PAK4: variants seen among roughly 807,000 people sequenced by gnomAD.
The protein encoded by PAK4 is p21 (RAC1) activated kinase 4.
Under a neutral mutation model 53.5 loss-of-function variants are expected in PAK4, and 49 were observed. That is an observed-to-expected ratio of 0.92 (90% CI 0.73 to 1.16). The LOEUF is 1.16. PAK4 is among the 50% of genes most tolerant of loss of function. PAK4 has a pLI of 0.00. For missense variants in PAK4, 824 were observed against 850.7 expected, an observed-to-expected ratio of 0.97 and a Z score of 0.39; for synonymous variants, 376 against 375.6, an observed-to-expected ratio of 1.00 and a Z score of -0.01.
At chr19:39,165,349 A>C (rs1428687922) in intron 1 of PAK4, among the ~76,000 whole-genome samples, 1 of 145,574 alleles carries the variant, frequency 6.9e-6, no homozygotes, top group Non-Finnish European at 1.5e-5. Context: ...AAAAATACAA[A>C]AAAAAAAAAA....
intron 1 of PAK4, among the ~76,000 whole-genome samples, chr19:39,130,995 G>A (rs2073699590): frequency 6.6e-6 from 1 of 151,940 alleles, no homozygotes; most frequent in South Asian, 2.1e-4. Context: ...GCCAGCTGAG[G>A]TCATCAGCGC....
At position 39,178,622 on chromosome 19, in the gene PAK4, C is replaced by G. The variant is rs2144895152; in HGVS notation, c.*43C>G. 6.6e-7 allele frequency: 1 copy of G among 1,523,848 alleles called. No individual in the cohort carries two copies. Among genetic ancestry groups the G allele is most frequent in the Admixed American group, 1.9e-5 (1 of 52,344 alleles). 94.4% of individuals were successfully genotyped at this position (1,523,848 alleles called of 1,614,324 possible). On this transcript the variant is annotated 3_prime_UTR_variant, in exon 9 of 9. Coordinates refer to ENST00000358301, the Ensembl canonical transcript of PAK4. This position sits in a 1 kb window ranked among gnomAD's most constrained non-coding sequence, Gnocchi z 4.4. ...CTCAACCAAAGAGCCCCCCGGGTCACCCCCGCCCCACTGAGGCCAGTAGGG... is the reference window on the plus strand; with the variant it reads ...CTCAACCAAAGAGCCCCCCGGGTCAGCCCCGCCCCACTGAGGCCAGTAGGG...
At chr19:39,166,332 T>G (rs1600385383) in intron 1 of PAK4, among the ~76,000 whole-genome samples, 2 of 152,288 alleles carry the variant, frequency 1.3e-5, no homozygotes, top group Middle Eastern at 3.4e-3. Context: ...TAATCCCAGC[T>G]ACTTGGGAGG....
chr19:39,164,292 A>T (rs2074333141), intron 1 of PAK4, among the ~76,000 whole-genome samples: 1 of 151,856 alleles, frequency 6.6e-6, no homozygotes, highest in South Asian at 2.1e-4. Context: ...AAAAAAAAAA[A>T]AAAAAAGAAT....
chr19:39,129,102 C>G (rs1228215699), intron 1 of PAK4, among the ~76,000 whole-genome samples: 5 of 152,124 alleles, frequency 3.3e-5, no homozygotes, highest in Non-Finnish European at 5.9e-5. Flanking sequence ...GAGATGGGAT[C>G]TTGCTATGTT....
At chr19:39,126,461 GCC>G (rs200191878) in intron 1 of PAK4, among the ~76,000 whole-genome samples, 40 of 36,074 alleles carry the variant, frequency 1.1e-3, no homozygotes, top group African/African-American at 1.4e-3. Context: ...GGGGGGGGGG[GCC>G]GGGTCAGAGA....
chr19:39,163,692 G>T (rs565982148), intron 1 of PAK4, among the ~76,000 whole-genome samples: 1 of 152,270 alleles, frequency 6.6e-6, no homozygotes, highest in East Asian at 1.9e-4. Flanking sequence ...TGCATTTCTG[G>T]GATCAAATAC....
At chr19:39,143,171 C>A (rs1862240827) in intron 1 of PAK4, among the ~76,000 whole-genome samples, 1 of 151,892 alleles carries the variant, frequency 6.6e-6, no homozygotes, top group Admixed American at 6.6e-5. Context: ...ACTAGAATGT[C>A]AACTCCAGGA....
intron 1 of PAK4, among the ~76,000 whole-genome samples, chr19:39,138,502 G>A (rs531903983): frequency 2.6e-5 from 4 of 152,298 alleles, no homozygotes; most frequent in East Asian, 1.9e-4. Context: ...ATGTCTTCTC[G>A]TTCATACTTT....
intron 1 of PAK4, among the ~76,000 whole-genome samples, chr19:39,135,421 C>T (rs530188858): frequency 2.7e-5 from 4 of 147,186 alleles, no homozygotes; most frequent in African/African-American, 9.9e-5. Flanking sequence ...CTGCAACCTC[C>T]GCTTCCCAGA....
chr19:39,141,045 C>T (rs17795295), intron 1 of PAK4, among the ~76,000 whole-genome samples: 35,466 of 152,070 alleles, frequency 0.23, 4,475 homozygotes, highest in East Asian at 0.39. Context: ...TTTGCCATTA[C>T]GATGAGGTCA....
At chr19:39,126,955 A>G (rs922333814) in intron 1 of PAK4, among the ~76,000 whole-genome samples, 7 of 152,048 alleles carry the variant, frequency 4.6e-5, no homozygotes, top group African/African-American at 1.7e-4. Flanking sequence ...TGGTCGCCAC[A>G]TTGTCCGCTG....
chr19:39,146,194 T>C (rs1313756957), intron 1 of PAK4, among the ~76,000 whole-genome samples: 2 of 119,712 alleles, frequency 1.7e-5, no homozygotes, highest in Non-Finnish European at 3.7e-5. Context: ...TCATGGAGCT[T>C]ATAATACAGT....
intron 1 of PAK4, among the ~76,000 whole-genome samples, chr19:39,156,378 C>T (rs1326200750): frequency 6.6e-6 from 1 of 152,146 alleles, no homozygotes; most frequent in African/African-American, 2.4e-5. Flanking sequence ...AACCTGGCTG[C>T]CCCTTAGCCG....
chr19:39,152,742 A>G (rs1222046480), intron 1 of PAK4, among the ~76,000 whole-genome samples: 1 of 151,210 alleles, frequency 6.6e-6, no homozygotes, highest in African/African-American at 2.4e-5. Flanking sequence ...GTTCCAACTG[A>G]TGGCAATCGG....
chr19:39,128,626 A>C (rs529105594), intron 1 of PAK4, among the ~76,000 whole-genome samples: 36 of 152,372 alleles, frequency 2.4e-4, no homozygotes, highest in African/African-American at 8.2e-4. Context: ...AAGGGCTTTC[A>C]GTATAATGAA....
chr19:39,141,483 T>C (rs1482095624), intron 1 of PAK4, among the ~76,000 whole-genome samples: 2 of 147,428 alleles, frequency 1.4e-5, no homozygotes, highest in East Asian at 2.1e-4. Context: ...GCCCGGCTAA[T>C]TTTTGTATTT....
intron 1 of PAK4, among the ~76,000 whole-genome samples, chr19:39,142,173 C>G (rs570278): frequency 0.96 from 145,569 of 152,268 alleles, 69,724 homozygotes; most frequent in African/African-American, 0.99. Flanking sequence ...TGCATGTTGT[C>G]GTAGTTTTTC....
chr19:39,138,008 G>T (rs562352839), intron 1 of PAK4, among the ~76,000 whole-genome samples: 27 of 149,556 alleles, frequency 1.8e-4, no homozygotes, highest in Non-Finnish European at 3.1e-4. Context: ...TTGAGACAGG[G>T]TCTTGCTCTG....
Sources: gnomAD v4.1 joint callset for allele counts (sites outside exome capture counted in the v4.1 genomes callset) on GRCh38, gnomAD v4.1.1 for gene constraint, Gnocchi (gnomAD v3.1) non-coding constraint, MANE v1.5 for transcripts, NCBI Gene and HGNC (gene_info 2026-07-23, HGNC 2026-07-21) for gene names.